Variants in SP140 observed in about 807,000 individuals in gnomAD.
SP140 encodes the protein nuclear body protein SP140.
SP140 carries 81 observed loss-of-function variants against 125.0 expected under a neutral mutation model. The ratio of observed to expected loss-of-function variants is 0.65; its 90% CI spans 0.54 to 0.78. SP140 has a LOEUF of 0.78. SP140 is among the 30% of genes least tolerant of loss of function. The pLI, the probability that SP140 is intolerant of heterozygous loss-of-function variation, is 0.00. For missense variants in SP140, 858 were observed against 1,037.0 expected (o/e 0.83, Z 2.37); for synonymous variants, 312 against 354.0 (o/e 0.88, Z 1.33).
chr2:230,288,185 C>A (rs1267241872), intron 18 of SP140: 3 of 453,924 alleles, frequency 6.6e-6, no homozygotes, highest in Non-Finnish European at 1.2e-5. Context: ...GGCCCAGGGG[C>A]CACTAAAGTG....
At chr2:230,283,086 C>T (rs1238307207) in intron 15 of SP140, among the ~76,000 whole-genome samples, 1 of 152,172 alleles carries the variant, frequency 6.6e-6, no homozygotes, top group East Asian at 1.9e-4. Flanking sequence ...CTGTGTGGGA[C>T]CTCAGAAGCT....
chr2:230,219,984 T>C, intron 3 of SP140: 1 of 985,564 alleles, frequency 1.0e-6, no homozygotes, highest in Non-Finnish European at 1.2e-6. Context: ...AGGAAGTCTG[T>C]GCTTTGACAA....
At chr2:230,234,628 T>C (rs533979028) in intron 1 of SP140, among the ~76,000 whole-genome samples, 3 of 152,342 alleles carry the variant, frequency 2.0e-5, no homozygotes, top group African/African-American at 7.2e-5. Context: ...CTTTAGACAT[T>C]TAGGGTTTCA....
At chr2:230,213,382 C>A (rs1430516908) in intron 1 of SP140, among the ~76,000 whole-genome samples, 1 of 152,110 alleles carries the variant, frequency 6.6e-6, no homozygotes. Flanking sequence ...TAAAAGAGGT[C>A]TCTGTTTTAA....
chr2:230,298,501 C>T (rs1223155514), intron 22 of SP140, among the ~76,000 whole-genome samples: 1 of 152,152 alleles, frequency 6.6e-6, no homozygotes, highest in East Asian at 1.9e-4. Flanking sequence ...CCCTGGAAGT[C>T]AGTGTTTGTG....
At chr2:230,266,496 G>A (rs988548322) in intron 12 of SP140, among the ~76,000 whole-genome samples, 2 of 152,218 alleles carry the variant, frequency 1.3e-5, no homozygotes, top group Admixed American at 6.5e-5. Flanking sequence ...AACCACAAAT[G>A]TAATGGCTTA....
chr2:230,257,497 T>C (rs964072581), intron 12 of SP140, among the ~76,000 whole-genome samples: 2 of 152,188 alleles, frequency 1.3e-5, no homozygotes, highest in African/African-American at 4.8e-5. Flanking sequence ...CTGGGTGCAG[T>C]GGGTCACCCC....
chr2:230,271,760 A>C (rs141808784), intron 15 of SP140, among the ~76,000 whole-genome samples: 7 of 152,322 alleles, frequency 4.6e-5, no homozygotes, highest in African/African-American at 1.7e-4. Flanking sequence ...TTCCCAGCCT[A>C]TCCAGGTCAA....
At chr2:230,259,784 A>ATATATATATATATATG (rs1331843453) in intron 12 of SP140, among the ~76,000 whole-genome samples, 1 of 110,678 alleles carries the variant, frequency 9.0e-6, no homozygotes, top group Non-Finnish European at 2.0e-5. Flanking sequence ...ATATATATAT[A>ATATATATATATATATG]TATATATATA....
At chr2:230,299,290 A>C (rs1490195396) in intron 22 of SP140, among the ~76,000 whole-genome samples, 1 of 152,184 alleles carries the variant, frequency 6.6e-6, no homozygotes, top group Non-Finnish European at 1.5e-5. Context: ...GAAAAAGTCC[A>C]CCTCTGAACA....
chr2:230,212,710 A>G (rs1191957448), intron 1 of SP140: 2 of 1,608,508 alleles, frequency 1.2e-6, no homozygotes, highest in African/African-American at 2.7e-5. Context: ...AACATGGCAC[A>G]GGCACCTTAG....
Position 230,253,412 on chromosome 2 carries a change from G to A in SP140, c.1154G>A (p.Gly385Glu). 6.3e-7 allele frequency: 1 copy of A among 1,595,442 alleles called. No homozygotes were observed. The highest frequency in any genetic ancestry group is 1.3e-5 in the African/African-American group (1 of 74,596). Residue 385 changes from glycine (G) to glutamate (E), a missense_variant, in exon 11 of 27, where the codon GGA becomes GAA. Gly to Glu is a moderately conservative substitution (Grantham distance 98). Around this residue, in one of 4 missense-constraint regions of SP140, gnomAD observed 791 missense variants for 869.5 expected, o/e 0.91. Coordinates refer to ENST00000392045, the MANE Select transcript of SP140 (RefSeq NM_007237.5). ...EKELSLLPGE[G>E]EEGSDDCSEM... Reference sequence around the variant, plus strand: ...GAGCTCAGTCTACTACCAGGTGAAGGAGAAGGTAATTATGATGTACATTTT... The same window carrying A: ...GAGCTCAGTCTACTACCAGGTGAAGAAGAAGGTAATTATGATGTACATTTT...
chr2:230,193,774 A>G, the SP140 span, among the ~76,000 whole-genome samples: 27 of 152,288 alleles, frequency 1.8e-4, no homozygotes, highest in African/African-American at 5.3e-4. Context: ...TATTACATCA[A>G]TAGGTTTCAG....
chr2:230,272,509 G>A (rs943453077), intron 15 of SP140, among the ~76,000 whole-genome samples: 4 of 152,122 alleles, frequency 2.6e-5, no homozygotes, highest in African/African-American at 9.7e-5. Context: ...AGTTTTATAA[G>A]GGGGAGTTTC....
chr2:230,230,259 T>A (rs1397085945), intron 1 of SP140, among the ~76,000 whole-genome samples: 1 of 152,192 alleles, frequency 6.6e-6, no homozygotes, highest in Non-Finnish European at 1.5e-5. Context: ...GGGTTGAAGC[T>A]GTGTTCTTGT....
chr2:230,217,686 G>A (rs2045371527), intron 3 of SP140, among the ~76,000 whole-genome samples: 1 of 152,184 alleles, frequency 6.6e-6, no homozygotes, highest in African/African-American at 2.4e-5. Flanking sequence ...TGCACAACTA[G>A]AGAGTGGAAG....
chr2:230,305,272 G>A (rs1156246359), intron 22 of SP140, among the ~76,000 whole-genome samples: 2 of 152,266 alleles, frequency 1.3e-5, no homozygotes, highest in African/African-American at 4.8e-5. Flanking sequence ...TGGCATGGAT[G>A]TGGTGAAAAT....
chr2:230,212,925 G>A (rs201454574), intron 1 of SP140: 5 of 1,613,934 alleles, frequency 3.1e-6, no homozygotes, highest in South Asian at 1.1e-5. Flanking sequence ...TTGTGGTGGG[G>A]GCAGCGCCAG....
chr2:230,297,612 G>A, intron 22 of SP140, 150 bp downstream of exon 22: 2 of 858,690 alleles, frequency 2.3e-6, no homozygotes. Flanking sequence ...CCCAAGCCAG[G>A]TAGATGTGCC....
Sources: gnomAD v4.1 joint callset for allele counts (sites outside exome capture counted in the v4.1 genomes callset) on GRCh38, gnomAD v4.1.1 for gene constraint, gnomAD v4.1.1 regional missense constraint, MANE v1.5 for transcripts, NCBI Gene and HGNC (gene_info 2026-07-23, HGNC 2026-07-21) for gene names.